DNAH3: variants seen among roughly 807,000 people sequenced by gnomAD.
DNAH3 encodes axonemal beta dynein heavy chain 3.
Under a neutral mutation model 432.5 loss-of-function variants are expected in DNAH3, and 332 were observed. The observed-to-expected ratio is 0.77, with a 90% confidence interval of 0.70 to 0.84. The LOEUF (loss-of-function observed/expected upper bound fraction) is 0.84. Ranked by LOEUF, DNAH3 falls within the 40% of genes least tolerant of loss-of-function variation. The pLI is 0.00. For synonymous variants in DNAH3, 1,956 were observed against 1,900.2 expected (o/e 1.03, Z -0.76); for missense variants, 4,861 against 5,114.0 (o/e 0.95, Z 1.51).
chr16:20,964,156 A>G, exon 53 of DNAH3: 1 of 1,614,208 alleles, frequency 6.2e-7, no homozygotes, highest in Non-Finnish European at 8.5e-7. Context: ...GAGAACCTCC[A>G]AGATCTTATC....
chr16:21,111,697 A>G (rs140062123), exon 14 of DNAH3: 1 of 1,613,960 alleles, frequency 6.2e-7, no homozygotes, highest in Non-Finnish European at 8.5e-7. Context: ...GAGCTCGCTC[A>G]CAGAGATCAT....
intron 42 of DNAH3, among the ~76,000 whole-genome samples, chr16:21,001,801 CG>C (rs2087034388): frequency 6.6e-6 from 1 of 152,064 alleles, no homozygotes. Flanking sequence ...GTTCAAGATG[CG>C]TATTTTGCTA....
chr16:21,149,645 A>G (rs1050053340), intron 1 of DNAH3, among the ~76,000 whole-genome samples: 1 of 151,874 alleles, frequency 6.6e-6, no homozygotes, highest in African/African-American at 2.4e-5. Flanking sequence ...GGGGACCAAG[A>G]CTCTATGTTT....
chr16:20,939,485 A>ATG (rs1753364095), intron 59 of DNAH3, among the ~76,000 whole-genome samples: 3 of 151,870 alleles, frequency 2.0e-5, no homozygotes, highest in Non-Finnish European at 4.4e-5. Context: ...GGTGGCAGGC[A>ATG]CCTGTAATCC....
intron 14 of DNAH3, among the ~76,000 whole-genome samples, chr16:21,110,493 G>T (rs964119618): frequency 3.3e-5 from 5 of 152,160 alleles, no homozygotes; most frequent in Non-Finnish European, 5.9e-5. Context: ...TTAGAGAATG[G>T]AGCCAACGTG....
At position 20,997,369 on chromosome 16, in the gene DNAH3, T is replaced by C. The variant is rs150713491; in HGVS notation, c.6515A>G (p.Lys2172Arg). The stretch of plus-strand genomic sequence containing the variant: ...GATGTCCAGCCTGGTTGTGTCTTTT[T>C]TGTCAAACCAGTAACCATGGTCAAT... Residue 2172 changes from lysine (K) to arginine (R), a missense_variant, in exon 44 of 62, where the codon AAA becomes AGA. By Grantham distance (26) the Lys-to-Arg change is conservative. Coordinates refer to ENST00000261383, the Ensembl canonical transcript of DNAH3. 161 of 1,614,210 alleles carry C rather than the reference T, an allele frequency of 1.0e-4. 1 individual carries two copies. In the East Asian group the frequency reaches 2.0e-3, roughly 20 times the overall value.
At chr16:21,018,643 C>T (rs1009824557) in intron 41 of DNAH3, among the ~76,000 whole-genome samples, 1 of 152,054 alleles carries the variant, frequency 6.6e-6, no homozygotes, top group African/African-American at 2.4e-5. Context: ...GCCTGTAATC[C>T]CAGCACTTTT....
intron 41 of DNAH3, among the ~76,000 whole-genome samples, chr16:21,006,934 A>G (rs2087334720): frequency 6.6e-6 from 1 of 152,134 alleles, no homozygotes; most frequent in Non-Finnish European, 1.5e-5. Flanking sequence ...ATTGGATTGT[A>G]TAACTTTTGA....
intron 26 of DNAH3, among the ~76,000 whole-genome samples, chr16:21,058,907 C>T (rs972159170): frequency 2.0e-5 from 3 of 146,688 alleles, no homozygotes; most frequent in Admixed American, 1.4e-4. Flanking sequence ...AAAACCTATA[C>T]GATGGGTTGA....
At chr16:20,994,149 G>T (rs890970914) in intron 44 of DNAH3, among the ~76,000 whole-genome samples, 2 of 151,630 alleles carry the variant, frequency 1.3e-5, no homozygotes, top group Admixed American at 1.3e-4. Context: ...TTAAAAAATG[G>T]CCTGGCGCAG....
chr16:20,993,693 T>A (rs992287099), intron 44 of DNAH3, among the ~76,000 whole-genome samples: 12 of 152,332 alleles, frequency 7.9e-5, no homozygotes, highest in Middle Eastern at 3.4e-3. Flanking sequence ...TTTCTTTTTT[T>A]AAATTTTTGA....
rs1258544722 is a variant in DNAH3, at chr16:20,958,110, T to C, written c.10826+1069A>G. On this transcript the variant is annotated intron_variant, in intron 54 of 61. Transcript: ENST00000261383. Reference sequence around the variant, plus strand: ...TTTTTTGAGACAGGGTCTCACTCTGTCGCCCAGGCTGGAGTGCAGTGGTGT... The same window carrying C: ...TTTTTTGAGACAGGGTCTCACTCTGCCGCCCAGGCTGGAGTGCAGTGGTGT... Among the ~76,000 whole-genome samples, 7 of 151,182 alleles carry C rather than the reference T, an allele frequency of 4.6e-5. No individual in the cohort carries two copies. The East Asian group carries it at 1.2e-3, about 25-fold the overall frequency.
chr16:21,129,527 A>G (rs2092512273), intron 7 of DNAH3: 1 of 148,400 alleles, frequency 6.7e-6, no homozygotes, highest in South Asian at 2.1e-4. Context: ...GTCAGGAGTT[A>G]AGAGACTAGC....
chr16:21,090,671 T>C (rs2091505790), intron 18 of DNAH3, among the ~76,000 whole-genome samples: 3 of 152,190 alleles, frequency 2.0e-5, no homozygotes, highest in African/African-American at 2.4e-5. Context: ...ATCTCACTAT[T>C]TGCAGAATCT....
At chr16:20,936,397 C>T (rs565906695) in intron 60 of DNAH3, among the ~76,000 whole-genome samples, 11 of 151,882 alleles carry the variant, frequency 7.2e-5, no homozygotes, top group South Asian at 2.1e-4. Context: ...CTCAAGTGAT[C>T]CGCCTGCCTC....
intron 8 of DNAH3, among the ~76,000 whole-genome samples, chr16:21,126,732 C>A (rs896657293): frequency 6.6e-6 from 1 of 152,116 alleles, no homozygotes; most frequent in Non-Finnish European, 1.5e-5. Flanking sequence ...TATTTACAGC[C>A]GCTCCCCATG....
chr16:21,063,703 C>T (rs536109747), intron 24 of DNAH3, among the ~76,000 whole-genome samples: 5 of 151,814 alleles, frequency 3.3e-5, no homozygotes, highest in Non-Finnish European at 5.9e-5. Flanking sequence ...CCACCACGCA[C>T]GGCTAATTTT....
At chr16:21,096,411 T>G (rs1379942863) in intron 18 of DNAH3, among the ~76,000 whole-genome samples, 2 of 152,026 alleles carry the variant, frequency 1.3e-5, no homozygotes, top group Non-Finnish European at 2.9e-5. Flanking sequence ...GGACTACAGG[T>G]GTGAGCCACT....
intron 49 of DNAH3, among the ~76,000 whole-genome samples, chr16:20,980,963 G>A (rs1277408862): frequency 6.6e-6 from 1 of 152,128 alleles, no homozygotes; most frequent in African/African-American, 2.4e-5. Context: ...GTAAACTAAT[G>A]GGCATGCGTG....
Sources: allele counts gnomAD v4.1 joint callset (sites outside exome capture counted in the v4.1 genomes callset), GRCh38; gene constraint gnomAD v4.1.1; transcripts MANE v1.5; gene names NCBI Gene and HGNC (gene_info 2026-07-23, HGNC 2026-07-21).